The following GRIP1 variants were observed in gnomAD, a reference collection of about 807,000 sequenced individuals.
The protein encoded by GRIP1 is glutamate receptor-interacting protein 1.
In GRIP1, 45 loss-of-function variants were observed where a neutral mutation model predicts 129.9. The ratio of observed to expected loss-of-function variants is 0.35; its 90% CI spans 0.27 to 0.44. GRIP1 has a LOEUF of 0.44. Among genes scored for constraint, GRIP1 ranks in the 20% least tolerant of loss-of-function variants. The pLI is 1.00. For synonymous variants in GRIP1, 530 were observed against 520.8 expected (o/e 1.02, Z -0.24); for missense variants, 1,196 against 1,396.8 (o/e 0.86, Z 2.29).
chr12:66,488,574 A>G (rs771377513), intron 7 of GRIP1, among the ~76,000 whole-genome samples: 2 of 152,196 alleles, frequency 1.3e-5, no homozygotes, highest in Non-Finnish European at 2.9e-5. Flanking sequence ...CTAGAGAACC[A>G]AGAACAAACA....
chr12:66,594,999 C>G (rs1424363153), intron 2 of GRIP1, among the ~76,000 whole-genome samples: 1 of 152,210 alleles, frequency 6.6e-6, no homozygotes, highest in Non-Finnish European at 1.5e-5. Context: ...AAGTAATAAT[C>G]TACTGTTAAC....
chr12:66,458,305 G>A (rs2059027751), intron 9 of GRIP1, among the ~76,000 whole-genome samples: 2 of 152,112 alleles, frequency 1.3e-5, no homozygotes, highest in Non-Finnish European at 2.9e-5. Flanking sequence ...CTCATCTCCT[G>A]CATACCTACC....
chr12:66,908,806 A>C (rs2040979853), intron 1 of GRIP1, among the ~76,000 whole-genome samples: 2 of 152,200 alleles, frequency 1.3e-5, no homozygotes, highest in South Asian at 4.1e-4. Flanking sequence ...TTCATTGCAG[A>C]TCTAAGAGTA....
intron 2 of GRIP1, among the ~76,000 whole-genome samples, chr12:66,579,434 A>G (rs2063283182): frequency 6.6e-6 from 1 of 152,248 alleles, no homozygotes; most frequent in Non-Finnish European, 1.5e-5. Context: ...AGTTGAGAGA[A>G]GAAGGCTTCA....
intron 1 of GRIP1, among the ~76,000 whole-genome samples, chr12:66,652,296 C>T (rs2032853882): frequency 2.0e-5 from 3 of 152,054 alleles, no homozygotes; most frequent in Non-Finnish European, 2.9e-5. Flanking sequence ...TGAGTGAGTT[C>T]TCATGAGATC....
chr12:66,796,461 T>C (rs377722200), intron 1 of GRIP1, among the ~76,000 whole-genome samples: 18 of 152,274 alleles, frequency 1.2e-4, no homozygotes, highest in East Asian at 7.7e-4. Flanking sequence ...ATCCAGATTA[T>C]ACAATGACTC....
intron 7 of GRIP1, among the ~76,000 whole-genome samples, chr12:66,489,935 T>A (rs1391754334): frequency 6.6e-6 from 1 of 151,944 alleles, no homozygotes; most frequent in African/African-American, 2.4e-5. Flanking sequence ...AAGTGAAGGA[T>A]CTCTTTAAGG....
intron 1 of GRIP1, among the ~76,000 whole-genome samples, chr12:66,795,847 T>C (rs1397230609): frequency 2.6e-5 from 4 of 152,138 alleles, no homozygotes; most frequent in Admixed American, 2.0e-4. Context: ...ATCTTTATAA[T>C]GGAGTGCACT....
intron 1 of GRIP1, among the ~76,000 whole-genome samples, chr12:66,774,109 A>G (rs2037905711): frequency 6.6e-6 from 1 of 152,130 alleles, no homozygotes; most frequent in South Asian, 2.1e-4. Flanking sequence ...ATTGACCTGT[A>G]GTAGTAAAAG....
intron 2 of GRIP1, among the ~76,000 whole-genome samples, chr12:66,579,982 A>G (rs2063308086): frequency 6.8e-6 from 1 of 147,650 alleles, no homozygotes; most frequent in African/African-American, 2.5e-5. Context: ...GAAATGAAGG[A>G]AAAAATGTTA....
intron 1 of GRIP1, among the ~76,000 whole-genome samples, chr12:66,837,738 G>T (rs1054739317): frequency 6.6e-6 from 1 of 152,140 alleles, no homozygotes; most frequent in Non-Finnish European, 1.5e-5. Context: ...GAAGCCTATC[G>T]CAATGGTCCA....
chr12:66,999,650 A>C (rs2042521747), intron 1 of GRIP1, among the ~76,000 whole-genome samples: 1 of 152,194 alleles, frequency 6.6e-6, no homozygotes, highest in Non-Finnish European at 1.5e-5. Context: ...ACCAAGGAAA[A>C]GTGTAATACA....
At chr12:66,626,721 T>C (rs2030101695) in intron 1 of GRIP1, 1 of 152,930 alleles carries the variant, frequency 6.5e-6, no homozygotes, top group Non-Finnish European at 1.5e-5. Flanking sequence ...AAAGGAGGTA[T>C]AGTCAGCGTC....
chr12:66,529,968 C>A, intron 4 of GRIP1, 54 bp from the exon 5 acceptor site: 2 of 1,086,322 alleles, frequency 1.8e-6, no homozygotes, highest in South Asian at 2.5e-5. Context: ...CATAACATTT[C>A]TAAATCATTC....
chr12:66,605,245 AT>A (rs1321262426), intron 1 of GRIP1, among the ~76,000 whole-genome samples: 2 of 152,174 alleles, frequency 1.3e-5, no homozygotes, highest in Non-Finnish European at 2.9e-5. Context: ...TTAAACAATT[AT>A]ATCTCTTGAC....
intron 1 of GRIP1, among the ~76,000 whole-genome samples, chr12:67,040,840 TCAAA>T (rs1239588797): frequency 6.6e-6 from 1 of 152,222 alleles, no homozygotes; most frequent in Non-Finnish European, 1.5e-5. Context: ...AGATACTCAG[TCAAA>T]CAGTTTTCCT....
intron 1 of GRIP1, among the ~76,000 whole-genome samples, chr12:67,057,529 T>C (rs1453409116): frequency 6.6e-6 from 1 of 152,120 alleles, no homozygotes; most frequent in Non-Finnish European, 1.5e-5. Flanking sequence ...TCCTTCTTTT[T>C]CCAGTATGAT....
chr12:66,477,760 C>T lies in GRIP1; in HGVS notation c.725-12338G>A, dbSNP rs182059301. On this transcript the variant is annotated intron_variant, in intron 7 of 24. Transcript: ENST00000359742. The stretch of plus-strand genomic sequence containing the variant: ...ACCATCTGATCTTTGACAAACCTGA[C>T]TAAAACAAGAAATGGGGAAAGGATT... Among the ~76,000 whole-genome samples the T allele has an allele frequency of 6.2e-4, 94 of 152,050 alleles. 3 individuals carry two copies. Among genetic ancestry groups the T allele is most frequent in the Middle Eastern group, 6.8e-3 (2 of 294 alleles).
At chr12:67,065,932 C>A (rs1307883162) in intron 1 of GRIP1, among the ~76,000 whole-genome samples, 1 of 152,218 alleles carries the variant, frequency 6.6e-6, no homozygotes, top group African/African-American at 2.4e-5. Flanking sequence ...TCTCCTAAAA[C>A]ATTTACCCCA....
Sources: allele counts gnomAD v4.1 joint callset (sites outside exome capture counted in the v4.1 genomes callset), GRCh38; gene constraint gnomAD v4.1.1; transcripts MANE v1.5; gene names NCBI Gene and HGNC (gene_info 2026-07-23, HGNC 2026-07-21).